Variants in UBE3D observed in about 807,000 individuals in gnomAD.
The protein encoded by UBE3D is ubiquitin protein ligase E3D, also known as E3 ubiquitin-protein ligase E3D.
In UBE3D, 48 loss-of-function variants were observed where a neutral mutation model predicts 49.6. That is an observed-to-expected ratio of 0.97 (90% CI 0.77 to 1.23). UBE3D has a LOEUF of 1.23. UBE3D is among the 50% of genes most tolerant of loss of function. The pLI, the probability that UBE3D is intolerant of heterozygous loss-of-function variation, is 0.00. For missense variants in UBE3D, 452 were observed against 468.4 expected, an observed-to-expected ratio of 0.96 and a Z score of 0.32; for synonymous variants, 189 against 174.2, an observed-to-expected ratio of 1.08 and a Z score of -0.67.
intron 9 of UBE3D, among the ~76,000 whole-genome samples, chr6:82,915,238 T>C (rs553278587): frequency 6.6e-6 from 1 of 152,270 alleles, no homozygotes; most frequent in South Asian, 2.1e-4. Flanking sequence ...AGACACAGCC[T>C]AAATAATGTT....
At chr6:83,059,248 G>C (rs1784011316) in intron 1 of UBE3D, among the ~76,000 whole-genome samples, 1 of 152,046 alleles carries the variant, frequency 6.6e-6, no homozygotes, top group Non-Finnish European at 1.5e-5. Flanking sequence ...AATCAGCTGG[G>C]TATAGTGGCA....
intron 5 of UBE3D, among the ~76,000 whole-genome samples, chr6:83,035,853 T>C (rs1488295343): frequency 2.0e-5 from 3 of 152,192 alleles, no homozygotes; most frequent in Admixed American, 2.0e-4. Flanking sequence ...AAGCTAGATG[T>C]TGGTTGTCCT....
intron 9 of UBE3D, among the ~76,000 whole-genome samples, chr6:82,950,925 C>G (rs1027906233): frequency 6.7e-6 from 1 of 149,554 alleles, no homozygotes; most frequent in African/African-American, 2.5e-5. Context: ...TTCATGGAGA[C>G]AGAGAGTAGA....
chr6:82,963,940 C>T (rs924687158), intron 8 of UBE3D, among the ~76,000 whole-genome samples: 3 of 152,162 alleles, frequency 2.0e-5, no homozygotes, highest in African/African-American at 7.2e-5. Context: ...AATCAGTAAT[C>T]ATCCACTATA....
At chr6:83,020,928 T>C (rs532952461) in intron 7 of UBE3D, among the ~76,000 whole-genome samples, 104 of 152,304 alleles carry the variant, frequency 6.8e-4, no homozygotes, top group African/African-American at 2.4e-3. Context: ...TTGAATAAAA[T>C]AGATGTAGAA....
chr6:82,916,275 T>C (rs1337833309), intron 9 of UBE3D, among the ~76,000 whole-genome samples: 1 of 152,172 alleles, frequency 6.6e-6, no homozygotes, highest in East Asian at 1.9e-4. Flanking sequence ...ATTCTGTACA[T>C]CTGTGTCAAA....
rs192708990 is a variant in UBE3D at position 82,992,412 on chromosome 6, G to A, written c.1010+26561C>T. Among the ~76,000 whole-genome samples, 265 of 152,024 alleles carry A rather than the reference G, an allele frequency of 1.7e-3. 5 individuals carry two copies. The highest frequency in any genetic ancestry group is 0.016 in the Admixed American group (239 of 15,266). Reference sequence around the variant, plus strand: ...TAATTTTTGTAATTTTAGTAGAGATGGGGTTTCACCATGCTGGCCAGGCTG... The same window carrying A: ...TAATTTTTGTAATTTTAGTAGAGATAGGGTTTCACCATGCTGGCCAGGCTG... On this transcript the variant is annotated intron_variant, in intron 8 of 9. Transcript: ENST00000369747.
intron 8 of UBE3D, among the ~76,000 whole-genome samples, chr6:83,001,445 A>T (rs1779629254): frequency 6.6e-6 from 1 of 152,214 alleles, no homozygotes; most frequent in South Asian, 2.1e-4. Flanking sequence ...ATGGATTCTT[A>T]CAATTCAGCT....
At chr6:83,019,845 C>A (rs978348944) in intron 7 of UBE3D, among the ~76,000 whole-genome samples, 1 of 152,158 alleles carries the variant, frequency 6.6e-6, no homozygotes, top group East Asian at 1.9e-4. Flanking sequence ...GCTTTCTGTG[C>A]CCCAGGATCA....
intron 7 of UBE3D, 27 bp downstream of exon 7, chr6:83,022,425 CA>C: frequency 2.7e-6 from 4 of 1,467,334 alleles, no homozygotes; most frequent in Admixed American, 2.3e-5. Context: ...TCCTAGGCTA[CA>C]AAAAGCTGGA....
chr6:83,034,494 A>AC (rs1330279710), intron 5 of UBE3D, among the ~76,000 whole-genome samples: 5 of 151,820 alleles, frequency 3.3e-5, no homozygotes, highest in African/African-American at 1.2e-4. Flanking sequence ...CTGTGTCCCC[A>AC]CCCAAATCTC....
intron 9 of UBE3D, among the ~76,000 whole-genome samples, chr6:82,927,502 C>T (rs1240285998): frequency 2.0e-5 from 3 of 152,018 alleles, no homozygotes; most frequent in Admixed American, 1.3e-4. Context: ...TCCATGAACA[C>T]GGAATATCTC....
At chr6:83,048,079 CAAAAA>C (rs35344320) in intron 3 of UBE3D, among the ~76,000 whole-genome samples, 2 of 48,060 alleles carry the variant, frequency 4.2e-5, no homozygotes, top group Non-Finnish European at 7.0e-5. Flanking sequence ...GACTCCAGCT[CAAAAA>C]AAAAAAAAAA....
At chr6:82,887,213 G>T in the UBE3D span, among the ~76,000 whole-genome samples, 1 of 151,170 alleles carries the variant, frequency 6.6e-6, no homozygotes, top group Non-Finnish European at 1.5e-5. Context: ...AGTCTACTTG[G>T]GAGGCTGAGG....
intron 7 of UBE3D, among the ~76,000 whole-genome samples, chr6:83,021,879 C>A (rs1304528980): frequency 4.6e-5 from 7 of 150,638 alleles, no homozygotes; most frequent in African/African-American, 1.7e-4. Context: ...AAAAAAAAAA[C>A]AAAAAACAAA....
At chr6:82,953,324 A>G (rs1393990869) in intron 9 of UBE3D, among the ~76,000 whole-genome samples, 4 of 152,218 alleles carry the variant, frequency 2.6e-5, no homozygotes, top group African/African-American at 9.6e-5. Flanking sequence ...CACTTTGCTT[A>G]TCTGAATCCT....
At chr6:83,007,781 C>T (rs1780077361) in intron 8 of UBE3D, among the ~76,000 whole-genome samples, 1 of 151,876 alleles carries the variant, frequency 6.6e-6, no homozygotes, top group South Asian at 2.1e-4. Flanking sequence ...CCCATCTCTA[C>T]AAAATATACA....
At chr6:83,029,079 T>C (rs183692629) in intron 5 of UBE3D, among the ~76,000 whole-genome samples, 25 of 152,352 alleles carry the variant, frequency 1.6e-4, no homozygotes, top group African/African-American at 5.5e-4. Flanking sequence ...ACAACATGCC[T>C]GAGTGAAGTG....
chr6:83,039,275 T>C lies in UBE3D; in HGVS notation c.598-790A>G, dbSNP rs545386169. ...TTCTACAACTCTGGATACTCCAGGG[T>C]ACCTTTCCTGGGAAACCACAGAATA... On this transcript the variant is annotated intron_variant, in intron 4 of 9. Coordinates refer to ENST00000369747, the MANE Select transcript of UBE3D (RefSeq NM_198920.3). Among the ~76,000 whole-genome samples the C allele has an allele frequency of 2.0e-5, 3 of 152,326 alleles. No homozygotes were observed. The East Asian group carries it at 5.8e-4, about 29-fold the overall frequency.
Sources: gnomAD v4.1 joint callset for allele counts (sites outside exome capture counted in the v4.1 genomes callset) on GRCh38, gnomAD v4.1.1 for gene constraint, MANE v1.5 for transcripts, NCBI Gene and HGNC (gene_info 2026-07-23, HGNC 2026-07-21) for gene names.